The following MINDY4 variants were observed in gnomAD, a reference collection of about 807,000 sequenced individuals.
The protein encoded by MINDY4 is probable ubiquitin carboxyl-terminal hydrolase MINDY-4.
Under a neutral mutation model 87.0 loss-of-function variants are expected in MINDY4, and 68 were observed. That is an observed-to-expected ratio of 0.78 (90% confidence interval 0.64 to 0.96). The LOEUF is 0.96. Among genes scored for constraint, MINDY4 ranks in the 40% least tolerant of loss-of-function variants. The probability of loss-of-function intolerance (pLI) is 0.00; values close to 1 mark genes in which losing one functional copy is unlikely to be tolerated. For missense variants in MINDY4, 919 were observed against 928.2 expected (o/e 0.99, Z 0.13); for synonymous variants, 379 against 363.2 (o/e 1.04, Z -0.50).
At chr7:30,774,470 C>G (rs73297988) in intron 1 of MINDY4, among the ~76,000 whole-genome samples, 6,311 of 152,166 alleles carry the variant, frequency 0.041, 427 homozygotes, top group African/African-American at 0.14. Flanking sequence ...CTGCAGAATC[C>G]CATCTTGACC....
chr7:30,800,487 C>G (rs1787616573), intron 5 of MINDY4, among the ~76,000 whole-genome samples: 1 of 152,154 alleles, frequency 6.6e-6, no homozygotes, highest in African/African-American at 2.4e-5. Context: ...CAGGTAGGCA[C>G]TGGGGATGCC....
intron 9 of MINDY4, among the ~76,000 whole-genome samples, chr7:30,848,040 G>A (rs542638538): frequency 2.0e-5 from 3 of 152,188 alleles, no homozygotes; most frequent in Admixed American, 2.0e-4. Context: ...GGCCACTGTT[G>A]GCTTTTAAAA....
At chr7:30,809,899 C>T (rs945778798) in intron 5 of MINDY4, among the ~76,000 whole-genome samples, 4 of 151,922 alleles carry the variant, frequency 2.6e-5, no homozygotes, top group African/African-American at 4.8e-5. Context: ...ATGTTTAGGC[C>T]GGGCGCAGTG....
At chr7:30,849,931 C>G (rs1269956852) in intron 9 of MINDY4, among the ~76,000 whole-genome samples, 1 of 152,242 alleles carries the variant, frequency 6.6e-6, no homozygotes, top group African/African-American at 2.4e-5. Flanking sequence ...TGTCCTGCCA[C>G]TCATCCCCCA....
At chr7:30,824,157 C>T (rs1028059637) in intron 5 of MINDY4, among the ~76,000 whole-genome samples, 4 of 152,044 alleles carry the variant, frequency 2.6e-5, no homozygotes, top group African/African-American at 2.4e-5. Flanking sequence ...TTGGAAAGTC[C>T]GAGGATGGGA....
intron 5 of MINDY4, among the ~76,000 whole-genome samples, chr7:30,810,505 AC>A (rs1190586941): frequency 2.0e-5 from 3 of 152,196 alleles, no homozygotes; most frequent in Non-Finnish European, 4.4e-5. Flanking sequence ...ATAATTATAT[AC>A]AAAAAATTCT....
Position 30,883,008 on chromosome 7 carries a change from T to A in MINDY4, c.2225+15T>A, listed in dbSNP as rs1320508580. The A allele has an allele frequency of 2.5e-6, 4 of 1,612,898 alleles. No individual in the cohort carries two copies. Among genetic ancestry groups the A allele is most frequent in the Non-Finnish European group, 3.4e-6 (4 of 1,179,328 alleles). ...ATCAGAACCAAGTGAGTCAAGCCCC[T>A]CTCTGGCTTTGAGCCTCACCCTGAA... On this transcript the variant is annotated intron_variant, in intron 17 of 17. Coordinates refer to ENST00000265299, the MANE Select transcript of MINDY4 (RefSeq NM_032222.3).
chr7:30,876,148 T>G (rs1790251928), intron 15 of MINDY4, among the ~76,000 whole-genome samples: 1 of 152,096 alleles, frequency 6.6e-6, no homozygotes. Context: ...AGGAGAATCC[T>G]TCCTTGTCTC....
chr7:30,832,807 C>T (rs1275004077), intron 6 of MINDY4, among the ~76,000 whole-genome samples: 1 of 151,934 alleles, frequency 6.6e-6, no homozygotes, highest in African/African-American at 2.4e-5. Flanking sequence ...CGTGCCTGGC[C>T]CCCTTCCCTC....
At chr7:30,876,793 C>G (rs7802207) in intron 15 of MINDY4, among the ~76,000 whole-genome samples, 1 of 152,032 alleles carries the variant, frequency 6.6e-6, no homozygotes, top group Non-Finnish European at 1.5e-5. Flanking sequence ...TTGGAGGGTC[C>G]GGATGAGGCC....
rs530600570 is a variant in MINDY4 at position 30,791,978 on chromosome 7, C to T, written c.1073+404C>T. On this transcript the variant is annotated intron_variant, in intron 5 of 17. Coordinates refer to ENST00000265299, the MANE Select transcript of MINDY4 (RefSeq NM_032222.3). ...GCCATCCTGGGCTGCATGTGGGCTG[C>T]GGGTTGGACAAGCTTGCTTTAGCAG... Among the ~76,000 whole-genome samples, 22 of 152,254 alleles carry T rather than the reference C, an allele frequency of 1.4e-4. No homozygotes were observed. The East Asian group carries it at 2.3e-3, about 16-fold the overall frequency.
At chr7:30,856,381 A>G (rs1488461931) in intron 12 of MINDY4, among the ~76,000 whole-genome samples, 4 of 152,140 alleles carry the variant, frequency 2.6e-5, no homozygotes, top group Non-Finnish European at 5.9e-5. Flanking sequence ...AGCAAGGGCA[A>G]GAAGCCTCAA....
rs1443708067 is a variant in MINDY4, at chr7:30,883,087, G to A, written c.2225+94G>A. The A allele has an allele frequency of 3.4e-6, 4 of 1,171,458 alleles. No individual in the cohort carries two copies. The African/African-American group carries it at 4.6e-5, about 13-fold the overall frequency. 72.6% of individuals were successfully genotyped at this position (1,171,458 alleles called of 1,614,324 possible). A position where few individuals can be genotyped will look rare whatever the true frequency, so the allele number is the denominator to read the frequency against. ...GTCAGGCCTGCAGGAAGGCAGATAG[G>A]TTCCTGGACCACCCTGATTCAAAGA... On this transcript the variant is annotated intron_variant, in intron 17 of 17. Transcript: ENST00000265299.
chr7:30,882,545 G>A (rs996400891), intron 16 of MINDY4, among the ~76,000 whole-genome samples, 184 bp downstream of exon 16: 2 of 152,238 alleles, frequency 1.3e-5, no homozygotes, highest in African/African-American at 4.8e-5. Context: ...GGCGGCCAGA[G>A]CTGGGCCTTG....
chr7:30,777,856 A>G (rs552578037), intron 1 of MINDY4, among the ~76,000 whole-genome samples: 24 of 152,310 alleles, frequency 1.6e-4, no homozygotes, highest in East Asian at 1.5e-3. Context: ...CAGATTTTCC[A>G]TTGCTAGAGC....
chr7:30,840,559 G>T (rs906556157), intron 8 of MINDY4, among the ~76,000 whole-genome samples: 32 of 152,194 alleles, frequency 2.1e-4, no homozygotes, highest in African/African-American at 7.7e-4. Flanking sequence ...TCCCCTAGGA[G>T]TGGACAAAGG....
intron 5 of MINDY4, among the ~76,000 whole-genome samples, chr7:30,795,809 C>CT (rs1434802261): frequency 6.6e-6 from 1 of 152,180 alleles, no homozygotes; most frequent in African/African-American, 2.4e-5. Context: ...GGCTCCCTTC[C>CT]TTCACCTTTG....
intron 2 of MINDY4, chr7:30,780,048 G>A (rs545583357): frequency 6.6e-6 from 1 of 152,310 alleles, no homozygotes; most frequent in East Asian, 1.9e-4. Context: ...TCCCCTTTGA[G>A]GAGAAGTAGG....
At chr7:30,789,586 G>A (rs558117373) in intron 4 of MINDY4, among the ~76,000 whole-genome samples, 6 of 152,204 alleles carry the variant, frequency 3.9e-5, no homozygotes, top group East Asian at 3.8e-4. Flanking sequence ...GAGTCTCCTC[G>A]GGAATGGTGA....
Sources: allele counts gnomAD v4.1 joint callset (sites outside exome capture counted in the v4.1 genomes callset), GRCh38; gene constraint gnomAD v4.1.1; transcripts MANE v1.5; gene names NCBI Gene and HGNC (gene_info 2026-07-23, HGNC 2026-07-21).